Variants in BCKDHB observed in about 807,000 individuals in gnomAD.
BCKDHB encodes 2-oxoisovalerate dehydrogenase subunit beta, mitochondrial.
In BCKDHB, 41 loss-of-function variants were observed where a neutral mutation model predicts 48.5. The ratio of observed to expected loss-of-function variants is 0.85; its 90% confidence interval spans 0.66 to 1.10. The LOEUF is 1.10. Among genes scored for constraint, BCKDHB ranks in the 50% least tolerant of loss-of-function variants. BCKDHB has a pLI of 0.00. For missense variants in BCKDHB, 496 were observed against 494.2 expected (o/e 1.00, Z -0.03); for synonymous variants, 201 against 174.8 (o/e 1.15, Z -1.18).
rs1767418969 is a variant in BCKDHB, at chr6:80,299,146, G to C, written c.1038+25925G>C. 2.0e-5 allele frequency among the ~76,000 whole-genome samples: 3 copies of C among 152,098 alleles called. No homozygotes were observed. In the South Asian group the frequency reaches 6.2e-4, roughly 32 times the overall value. On this transcript the variant is annotated intron_variant, in intron 9 of 9. Transcript: ENST00000320393. ...TGAGCCTCAAACCAAGTTTGCTCAA[G>C]CATCCTTGCCTTTTATTAAGAGGGG...
At chr6:80,203,002 G>A in intron 7 of BCKDHB, 100 bp from the exon 8 acceptor site, 1 of 844,552 alleles carries the variant, frequency 1.2e-6, no homozygotes, top group Non-Finnish European at 2.0e-6. Flanking sequence ...CAGTTCCTGA[G>A]ACTTTAAATA....
At chr6:80,420,584 CAT>C in the BCKDHB span, among the ~76,000 whole-genome samples, 2 of 152,180 alleles carry the variant, frequency 1.3e-5, no homozygotes, top group African/African-American at 2.4e-5. Context: ...TGCTGGAACT[CAT>C]GTGTGTTGTG....
At chr6:80,162,000 C>A (rs556205311) in intron 3 of BCKDHB, among the ~76,000 whole-genome samples, 61 of 152,224 alleles carry the variant, frequency 4.0e-4, no homozygotes, top group African/African-American at 1.4e-3. Flanking sequence ...ATTTGCTTGG[C>A]AAAATCTAAT....
At chr6:80,396,649 G>T in the BCKDHB span, among the ~76,000 whole-genome samples, 1 of 152,246 alleles carries the variant, frequency 6.6e-6, no homozygotes, top group Admixed American at 6.5e-5. Context: ...TTGAATCACG[G>T]GGGCAGTTAT....
chr6:80,152,911 G>T (rs1265401749), intron 3 of BCKDHB, among the ~76,000 whole-genome samples: 2 of 148,836 alleles, frequency 1.3e-5, no homozygotes, highest in Non-Finnish European at 3.0e-5. Context: ...AGTGTAGAGT[G>T]AGGGCTTTTA....
chr6:80,174,499 C>T (rs1429022152), intron 6 of BCKDHB, among the ~76,000 whole-genome samples: 1 of 152,036 alleles, frequency 6.6e-6, no homozygotes, highest in Non-Finnish European at 1.5e-5. Context: ...CATATATGTG[C>T]CTTTCATAGG....
chr6:80,423,335 G>T, the BCKDHB span, among the ~76,000 whole-genome samples: 1 of 152,176 alleles, frequency 6.6e-6, no homozygotes, highest in African/African-American at 2.4e-5. Flanking sequence ...CCAGTCTCAG[G>T]TAGTATTTTT....
At chr6:80,307,740 C>G in intron 9 of BCKDHB, 1 of 981,258 alleles carries the variant, frequency 1.0e-6, no homozygotes, top group Non-Finnish European at 1.2e-6. Context: ...ACCATATTGT[C>G]AGATTTATTT....
intron 8 of BCKDHB, among the ~76,000 whole-genome samples, chr6:80,220,165 C>T (rs1386514162): frequency 6.6e-6 from 1 of 151,794 alleles, no homozygotes; most frequent in South Asian, 2.1e-4. Context: ...CATTTCTTCT[C>T]TCCTAGTTTT....
rs771203556 is a variant in BCKDHB, at chr6:80,107,530, C to CAT, written c.196+652_196+653dup. Among the ~76,000 whole-genome samples the CAT allele has an allele frequency of 8.1e-4, 95 of 116,768 alleles. 2 individuals carry two copies. In the South Asian group the frequency reaches 8.3e-3, roughly 10 times the overall value. 76.6% of individuals were successfully genotyped at this position (116,768 alleles called of 152,430 possible). A position where few individuals can be genotyped will look rare whatever the true frequency, so the allele number is the denominator to read the frequency against. Reference sequence around the variant, plus strand: ...ATATGTGCGCATATATATATATATGCATATATATATATGCACACATATATA... The same window carrying CAT: ...ATATGTGCGCATATATATATATATGCATATATATATATATGCACACATATATA... On this transcript the variant is annotated intron_variant, in intron 1 of 9. Transcript: ENST00000320393.
At chr6:80,190,916 C>T (rs1773862564) in intron 6 of BCKDHB, among the ~76,000 whole-genome samples, 1 of 152,158 alleles carries the variant, frequency 6.6e-6, no homozygotes, top group African/African-American at 2.4e-5. Flanking sequence ...CGCTGTGTTG[C>T]AGTGACCGTT....
intron 8 of BCKDHB, among the ~76,000 whole-genome samples, chr6:80,266,453 A>ACTACATCTCTAATAAATGTC (rs1172954860): frequency 5.3e-5 from 8 of 152,082 alleles, no homozygotes. Flanking sequence ...CCCATGTTTA[A>ACTACATCTCTAATAAATGTC]CTACATCTCT....
At chr6:80,299,486 G>T (rs1035255953) in intron 9 of BCKDHB, among the ~76,000 whole-genome samples, 1 of 152,190 alleles carries the variant, frequency 6.6e-6, no homozygotes, top group Non-Finnish European at 1.5e-5. Context: ...GACCCCAAGA[G>T]AGGGGTTCTT....
At chr6:80,323,963 G>A (rs1301567219) in intron 9 of BCKDHB, among the ~76,000 whole-genome samples, 2 of 152,078 alleles carry the variant, frequency 1.3e-5, no homozygotes, top group East Asian at 1.9e-4. Context: ...TAGTAGAGAC[G>A]GGGTTTCACC....
At chr6:80,347,284 G>A (rs1417603987), downstream of BCKDHB, among the ~76,000 whole-genome samples, 1 of 152,208 alleles carries the variant, frequency 6.6e-6, no homozygotes, top group Non-Finnish European at 1.5e-5. Flanking sequence ...GGGAAAAGAT[G>A]TAGTTTGTCA....
At chr6:80,108,455 T>G (rs1276724173) in intron 1 of BCKDHB, among the ~76,000 whole-genome samples, 1 of 150,922 alleles carries the variant, frequency 6.6e-6, no homozygotes, top group Non-Finnish European at 1.5e-5. Context: ...CTAAGTAAAA[T>G]GATATCATGT....
chr6:80,215,060 A>G (rs952147773), intron 8 of BCKDHB, among the ~76,000 whole-genome samples: 3 of 152,220 alleles, frequency 2.0e-5, no homozygotes, highest in South Asian at 2.1e-4. Context: ...CATGCTTATA[A>G]TAAGCCTCTA....
At chr6:80,387,258 A>C in the BCKDHB span, among the ~76,000 whole-genome samples, 1 of 152,172 alleles carries the variant, frequency 6.6e-6, no homozygotes, top group African/African-American at 2.4e-5. Flanking sequence ...AATGGCATAG[A>C]CATACTTAAC....
chr6:80,180,397 GTGA>G (rs1582299169), intron 6 of BCKDHB, among the ~76,000 whole-genome samples: 1 of 152,142 alleles, frequency 6.6e-6, no homozygotes, highest in South Asian at 2.1e-4. Flanking sequence ...GTACAAAATA[GTGA>G]TGATTCAAAA....
Sources: gnomAD v4.1 joint callset for allele counts (sites outside exome capture counted in the v4.1 genomes callset) on GRCh38, gnomAD v4.1.1 for gene constraint, MANE v1.5 for transcripts, NCBI Gene and HGNC (gene_info 2026-07-23, HGNC 2026-07-21) for gene names.